The following RGS20 variants were observed in gnomAD, a reference collection of about 807,000 sequenced individuals.
RGS20 encodes the protein gz-selective GTPase-activating protein.
Under a neutral mutation model 33.6 loss-of-function variants are expected in RGS20, and 30 were observed. The observed-to-expected ratio is 0.89, with a 90% CI of 0.67 to 1.21. RGS20 has a LOEUF of 1.21. RGS20 is among the 50% of genes most tolerant of loss of function. RGS20 has a pLI of 0.00. For missense variants in RGS20, 472 were observed against 502.4 expected (o/e 0.94, Z 0.58); for synonymous variants, 208 against 197.9 (o/e 1.05, Z -0.43).
At chr8:53,909,235 A>G (rs560693956) in intron 2 of RGS20, among the ~76,000 whole-genome samples, 6 of 128,634 alleles carry the variant, frequency 4.7e-5, no homozygotes, top group African/African-American at 1.6e-4. Context: ...ATATATATAT[A>G]TATATATATA....
chr8:53,859,199 A>G (rs899206664), intron 1 of RGS20, among the ~76,000 whole-genome samples: 3 of 152,332 alleles, frequency 2.0e-5, no homozygotes, highest in Non-Finnish European at 4.4e-5. Context: ...TTAAATAACA[A>G]ACGAACAAAC....
At chr8:53,869,611 G>T (rs1191918010) in intron 1 of RGS20, among the ~76,000 whole-genome samples, 2 of 152,262 alleles carry the variant, frequency 1.3e-5, no homozygotes, top group South Asian at 2.1e-4. Context: ...GGGATTTGGA[G>T]GTTGCGGCGA....
chr8:53,870,354 C>T (rs1243007693), intron 1 of RGS20, among the ~76,000 whole-genome samples: 1 of 152,164 alleles, frequency 6.6e-6, no homozygotes, highest in Admixed American at 6.5e-5. Flanking sequence ...ATTCTTCAAA[C>T]CTGCTCTGCT....
At chr8:53,898,465 A>G (rs547851417) in intron 2 of RGS20, among the ~76,000 whole-genome samples, 1 of 152,366 alleles carries the variant, frequency 6.6e-6, no homozygotes, top group African/African-American at 2.4e-5. Context: ...CATTACTTCC[A>G]TATAATAACC....
In RGS20 at chr8:53,879,207, C is replaced by T. The variant is rs777613968; in HGVS notation, c.166-51C>T. On this transcript the variant is annotated intron_variant, in intron 1 of 5. Transcript: ENST00000297313. ...TAGTAAAGAGCCCCATCTAAGCGGC[C>T]GGACACCACAGTAACCGTATGCTGG... 1.7e-5 allele frequency: 26 copies of T among 1,492,594 alleles called. No homozygotes were observed. In the South Asian group the frequency reaches 2.8e-4, roughly 16 times the overall value. 92.5% of individuals were successfully genotyped at this position (1,492,594 alleles called of 1,614,324 possible).
intron 1 of RGS20, among the ~76,000 whole-genome samples, chr8:53,857,982 G>T (rs1453512615): frequency 1.3e-5 from 2 of 151,660 alleles, no homozygotes; most frequent in Non-Finnish European, 2.9e-5. Context: ...ACATCACATT[G>T]TACCCCATAA....
chr8:53,951,973 C>T lies in RGS20; in HGVS notation c.744-2103C>T, dbSNP rs181456879. Among the ~76,000 whole-genome samples, 663 of 151,062 alleles carry T rather than the reference C, an allele frequency of 4.4e-3. 4 individuals are homozygous for T. The highest frequency in any genetic ancestry group is 6.5e-3 in the Non-Finnish European group (439 of 67,722). ...CAGAGGTTGCAGTGAGCCGAGATCG[C>T]GCCACTGCACTCCAGCCTGGGCAAC... On this transcript the variant is annotated intron_variant, in intron 4 of 5. Transcript: ENST00000297313.
intron 3 of RGS20, among the ~76,000 whole-genome samples, chr8:53,941,169 TACAGG>T: frequency 6.6e-6 from 1 of 152,178 alleles, no homozygotes; most frequent in Non-Finnish European, 1.5e-5. Context: ...AGGCTCCTCC[TACAGG>T]TAACAAGTAG....
chr8:53,924,199 AT>A (rs1281623001), intron 2 of RGS20, among the ~76,000 whole-genome samples: 2 of 148,248 alleles, frequency 1.3e-5, no homozygotes, highest in Admixed American at 6.8e-5. Context: ...TTTATTTTTT[AT>A]TTTTTTTTGA....
intron 4 of RGS20, among the ~76,000 whole-genome samples, chr8:53,949,194 A>G (rs1406758514): frequency 7.9e-6 from 1 of 127,382 alleles, no homozygotes; most frequent in African/African-American, 2.8e-5. Flanking sequence ...ATATATTTAT[A>G]TATGCTATAT....
intron 2 of RGS20, among the ~76,000 whole-genome samples, chr8:53,935,890 C>T (rs1814115656): frequency 6.6e-6 from 1 of 152,180 alleles, no homozygotes; most frequent in African/African-American, 2.4e-5. Context: ...CATCAAAAAG[C>T]TTATCCACCA....
At chr8:53,947,247 ATATT>A (rs778228405) in intron 4 of RGS20, among the ~76,000 whole-genome samples, 55 of 141,070 alleles carry the variant, frequency 3.9e-4, no homozygotes, top group South Asian at 2.2e-3. Flanking sequence ...AAGATATAGC[ATATT>A]TATTTATACA....
intron 1 of RGS20, among the ~76,000 whole-genome samples, chr8:53,864,274 C>CA (rs201895209): frequency 4.4e-4 from 65 of 146,898 alleles, no homozygotes; most frequent in East Asian, 1.0e-3. Flanking sequence ...TACAAAAATA[C>CA]AAAAAAAAAA....
At position 53,877,298 on chromosome 8, in the gene RGS20, C is replaced by T. The variant is rs919635351; in HGVS notation, c.166-1960C>T. On this transcript the variant is annotated intron_variant, in intron 1 of 5. Coordinates refer to ENST00000297313, the MANE Select transcript of RGS20 (RefSeq NM_170587.4). The surrounding 1 kb of genome is among the most constrained non-coding windows in gnomAD (Gnocchi z 5.7). ...CGTGGGGTCCCGCCGGCCCTGCCGC[C>T]CGTGGCCGCCGAAGTTCCCGCCCTC... is the stretch of plus-strand genomic sequence containing the variant. 6.6e-6 allele frequency among the ~76,000 whole-genome samples: 1 copy of T among 152,216 alleles called. No homozygotes were observed. The highest frequency in any genetic ancestry group is 1.5e-5 in the Non-Finnish European group (1 of 68,034).
intron 2 of RGS20, among the ~76,000 whole-genome samples, chr8:53,908,895 A>T (rs997341854): frequency 1.3e-5 from 2 of 152,144 alleles, no homozygotes; most frequent in African/African-American, 4.8e-5. Flanking sequence ...GTAATCATGT[A>T]AATAATTTTT....
chr8:53,881,132 C>T lies in RGS20; in HGVS notation c.510+1530C>T, dbSNP rs778750192. The T allele has an allele frequency of 3.6e-6, 5 of 1,388,800 alleles. No homozygotes were observed. The East Asian group carries it at 1.3e-4, about 36-fold the overall frequency. 86.0% of individuals were successfully genotyped at this position (1,388,800 alleles called of 1,614,324 possible). On this transcript the variant is annotated intron_variant, in intron 2 of 5. Transcript: ENST00000297313. ...CTCTCTTTCTTCGTCTCGGGCTCGC[C>T]CTGAGGCTTCGTGCTGGAAAGTGGC...
At chr8:53,869,360 A>G (rs892033438) in intron 1 of RGS20, among the ~76,000 whole-genome samples, 1 of 152,140 alleles carries the variant, frequency 6.6e-6, no homozygotes, top group Non-Finnish European at 1.5e-5. Context: ...GTTAATTCAC[A>G]TTTATTTATT....
intron 1 of RGS20, among the ~76,000 whole-genome samples, chr8:53,855,186 TC>T (rs1366757923): frequency 1.3e-5 from 2 of 152,212 alleles, no homozygotes; most frequent in African/African-American, 2.4e-5. Flanking sequence ...CACCTCTGCC[TC>T]CCAAGAAGCT....
intron 2 of RGS20, among the ~76,000 whole-genome samples, chr8:53,937,576 T>G (rs544379592): frequency 3.2e-4 from 48 of 152,182 alleles, no homozygotes; most frequent in African/African-American, 1.2e-3. Context: ...CAAAAGAAAC[T>G]ATCATCAGAG....
Sources: gnomAD v4.1 joint callset for allele counts (sites outside exome capture counted in the v4.1 genomes callset) on GRCh38, gnomAD v4.1.1 for gene constraint, Gnocchi (gnomAD v3.1) non-coding constraint, MANE v1.5 for transcripts, NCBI Gene and HGNC (gene_info 2026-07-23, HGNC 2026-07-21) for gene names.